ATP8A2: variants seen among roughly 807,000 people sequenced by gnomAD.
ATP8A2 encodes the protein phospholipid-transporting ATPase IB.
In ATP8A2, 100 loss-of-function variants were observed where a neutral mutation model predicts 165.6. The ratio of observed to expected loss-of-function variants is 0.60; its 90% CI spans 0.51 to 0.71. The LOEUF is 0.71. Among genes scored for constraint, ATP8A2 ranks in the 30% least tolerant of loss-of-function variants. The pLI, the probability that ATP8A2 is intolerant of heterozygous loss-of-function variation, is 0.00. For missense variants in ATP8A2, 1,227 were observed against 1,479.5 expected (o/e 0.83, Z 2.80); for synonymous variants, 543 against 548.8 (o/e 0.99, Z 0.15).
rs566336096 is a variant in ATP8A2, at chr13:26,018,050, G to A, written c.3470-1838G>A. ...CTCAGCTTGTATCACCTTCTCTCCC[G>A]CCCACTGTCTCTTCCTCCTGTGGCC... On this transcript the variant is annotated intron_variant, in intron 36 of 36. Transcript: ENST00000381655. Among the ~76,000 whole-genome samples, 370 of 152,174 alleles carry A rather than the reference G, an allele frequency of 2.4e-3. 5 individuals carry two copies. Among genetic ancestry groups the A allele is most frequent in the Middle Eastern group, 0.017 (5 of 294 alleles).
At chr13:26,000,949 A>G (rs1179710285) in intron 35 of ATP8A2, among the ~76,000 whole-genome samples, 3 of 152,204 alleles carry the variant, frequency 2.0e-5, no homozygotes, top group Non-Finnish European at 2.9e-5. Flanking sequence ...ACAGTGTTGT[A>G]TAACCATTAC....
intron 25 of ATP8A2, among the ~76,000 whole-genome samples, chr13:25,737,769 A>G (rs554090724): frequency 7.2e-5 from 11 of 152,062 alleles, no homozygotes; most frequent in Admixed American, 2.6e-4. Context: ...TGCAAGCTCC[A>G]CCTCCCAGGT....
intron 24 of ATP8A2, among the ~76,000 whole-genome samples, chr13:25,667,126 A>G (rs1212752744): frequency 1.3e-5 from 2 of 152,170 alleles, no homozygotes; most frequent in Non-Finnish European, 2.9e-5. Context: ...AAAATCCTGT[A>G]TCCATTAAAC....
Position 25,634,083 on chromosome 13 carries a change from T to A in ATP8A2, c.2211+44384T>A, listed in dbSNP as rs78367141. Among the ~76,000 whole-genome samples the A allele has an allele frequency of 5.7e-3, 862 of 152,288 alleles. 6 individuals are homozygous for A. The highest frequency in any genetic ancestry group is 0.017 in the South Asian group (82 of 4,826). The stretch of plus-strand genomic sequence containing the variant: ...AAGAGTGATAGAGACAAACAAACTT[T>A]AATGCTGTATCTAAATATCTGAAAA... On this transcript the variant is annotated intron_variant, in intron 24 of 36. Transcript: ENST00000381655.
chr13:25,767,535 C>T (rs1430820327), intron 25 of ATP8A2, among the ~76,000 whole-genome samples: 2 of 152,188 alleles, frequency 1.3e-5, no homozygotes, highest in Non-Finnish European at 2.9e-5. Flanking sequence ...ATATTTCAGC[C>T]TTCCATATAT....
At chr13:25,925,390 C>T (rs1330761387) in intron 33 of ATP8A2, among the ~76,000 whole-genome samples, 1 of 151,848 alleles carries the variant, frequency 6.6e-6, no homozygotes, top group African/African-American at 2.4e-5. Flanking sequence ...AAAAAGTAGC[C>T]GGGTGTGGTG....
chr13:25,755,457 A>ATTG (rs1157419455), intron 25 of ATP8A2, among the ~76,000 whole-genome samples: 1 of 152,232 alleles, frequency 6.6e-6, no homozygotes, highest in African/African-American at 2.4e-5. Context: ...GGCAGTAGCC[A>ATTG]TTGTGTGCAA....
intron 27 of ATP8A2, among the ~76,000 whole-genome samples, chr13:25,784,468 T>G (rs867847585): frequency 6.6e-6 from 1 of 152,198 alleles, no homozygotes; most frequent in Non-Finnish European, 1.5e-5. Context: ...CCCACATAGT[T>G]TAGTACTGAT....
intron 24 of ATP8A2, among the ~76,000 whole-genome samples, chr13:25,638,866 G>A (rs1237626086): frequency 6.6e-6 from 1 of 152,098 alleles, no homozygotes; most frequent in Non-Finnish European, 1.5e-5. Context: ...GAACGGTCGG[G>A]TTACCCACAA....
chr13:25,842,311 G>A (rs1480654028), intron 30 of ATP8A2, among the ~76,000 whole-genome samples: 3 of 152,150 alleles, frequency 2.0e-5, no homozygotes, highest in Admixed American at 6.5e-5. Flanking sequence ...CAGCTGAAAG[G>A]TGAAAGATGG....
intron 1 of ATP8A2, among the ~76,000 whole-genome samples, chr13:25,457,222 T>C (rs1020805344): frequency 1.3e-5 from 2 of 152,194 alleles, no homozygotes; most frequent in African/African-American, 2.4e-5. Context: ...GGGATTTCTT[T>C]TTAATGCATA....
At chr13:25,733,903 C>G (rs988933212) in intron 25 of ATP8A2, among the ~76,000 whole-genome samples, 1 of 152,134 alleles carries the variant, frequency 6.6e-6, no homozygotes, top group Non-Finnish European at 1.5e-5. Context: ...TTTTCTTCTG[C>G]CTAACTTCAG....
At chr13:25,566,725 T>C (rs1039149225) in intron 16 of ATP8A2, among the ~76,000 whole-genome samples, 3 of 152,244 alleles carry the variant, frequency 2.0e-5, no homozygotes, top group Non-Finnish European at 4.4e-5. Context: ...CAGAGACTCA[T>C]TTATTTATTC....
At chr13:25,506,945 A>ATATATATATATATATATATATATATC (rs2037058965) in intron 2 of ATP8A2, among the ~76,000 whole-genome samples, 1 of 128,746 alleles carries the variant, frequency 7.8e-6, no homozygotes, top group East Asian at 2.0e-4. Context: ...CAGTACATAT[A>ATATATATATATATATATATATATATC]TATATATATA....
At chr13:25,768,985 A>G in intron 25 of ATP8A2, 61 bp from the exon 26 acceptor site, 1 of 1,483,096 alleles carries the variant, frequency 6.7e-7, no homozygotes, top group African/African-American at 1.4e-5. Flanking sequence ...CGGAATGTAG[A>G]TTACAGCTGT....
At chr13:25,867,330 C>T (rs1952535918) in intron 33 of ATP8A2, among the ~76,000 whole-genome samples, 1 of 152,026 alleles carries the variant, frequency 6.6e-6, no homozygotes, top group African/African-American at 2.4e-5. Context: ...TGTAGCAGGC[C>T]TAGGTATGTT....
intron 30 of ATP8A2, among the ~76,000 whole-genome samples, chr13:25,842,202 A>G (rs967544338): frequency 2.0e-5 from 3 of 152,232 alleles, no homozygotes; most frequent in African/African-American, 7.2e-5. Flanking sequence ...AGTTATTAAT[A>G]GCTTCCTAGG....
At chr13:26,003,539 A>G (rs570194659) in intron 35 of ATP8A2, among the ~76,000 whole-genome samples, 2 of 152,150 alleles carry the variant, frequency 1.3e-5, no homozygotes, top group South Asian at 2.1e-4. Flanking sequence ...ATGTCATCCC[A>G]TTTGTCTATT....
intron 35 of ATP8A2, among the ~76,000 whole-genome samples, chr13:25,991,102 G>C (rs778077273): frequency 6.6e-6 from 1 of 152,108 alleles, no homozygotes; most frequent in Non-Finnish European, 1.5e-5. Context: ...CCTCTCCCTC[G>C]GGTAGTGTGC....
Sources: gnomAD v4.1 joint callset for allele counts (sites outside exome capture counted in the v4.1 genomes callset) on GRCh38, gnomAD v4.1.1 for gene constraint, MANE v1.5 for transcripts, NCBI Gene and HGNC (gene_info 2026-07-23, HGNC 2026-07-21) for gene names.